Variants in RPS6KC1 observed in about 807,000 individuals in gnomAD.
RPS6KC1 encodes ribosomal protein S6 kinase C1.
Under a neutral mutation model 103.8 loss-of-function variants are expected in RPS6KC1, and 54 were observed. The observed-to-expected ratio is 0.52, with a 90% CI of 0.42 to 0.65. The LOEUF (loss-of-function observed/expected upper bound fraction) is 0.65, where lower values mean the gene tolerates loss of function less well. RPS6KC1 is among the 30% of genes least tolerant of loss of function. RPS6KC1 has a pLI of 0.00. For synonymous variants in RPS6KC1, 439 were observed against 438.7 expected (o/e 1.00, Z -0.01); for missense variants, 1,151 against 1,253.8 (o/e 0.92, Z 1.24).
chr1:213,505,367 C>T, the RPS6KC1 span, among the ~76,000 whole-genome samples: 1 of 152,160 alleles, frequency 6.6e-6, no homozygotes, highest in Non-Finnish European at 1.5e-5. Flanking sequence ...GGACACACAA[C>T]CTCTCTTTGA....
chr1:213,269,150 C>T (rs918279824), intron 14 of RPS6KC1, among the ~76,000 whole-genome samples: 3 of 152,038 alleles, frequency 2.0e-5, no homozygotes, highest in Non-Finnish European at 4.4e-5. Flanking sequence ...TAACAGTAAC[C>T]ACGAAAGAGC....
At chr1:213,072,558 A>G (rs2078984970) in intron 2 of RPS6KC1, among the ~76,000 whole-genome samples, 1 of 152,080 alleles carries the variant, frequency 6.6e-6, no homozygotes, top group Admixed American at 6.5e-5. Flanking sequence ...AAAAAAAAAA[A>G]AAAATAGATT....
chr1:213,260,702 G>A lies in RPS6KC1; in HGVS notation c.2912-856G>A, dbSNP rs538866507. ...AAGGGCAGGTATTGGCAAGGCTTCG[G>A]GACTAATTTAATGCCATTAGGAAAG... On this transcript the variant is annotated intron_variant, in intron 12 of 14. Transcript: ENST00000366960. 4.7e-5 allele frequency among the ~76,000 whole-genome samples: 7 copies of A among 149,056 alleles called. No individual in the cohort carries two copies. The East Asian group carries it at 1.2e-3, about 25-fold the overall frequency.
chr1:213,674,655 A>T, the RPS6KC1 span, among the ~76,000 whole-genome samples: 1 of 152,180 alleles, frequency 6.6e-6, no homozygotes, highest in Non-Finnish European at 1.5e-5. Flanking sequence ...TTTGGATATA[A>T]ACCCAGTAAT....
At chr1:213,665,740 A>G in the RPS6KC1 span, among the ~76,000 whole-genome samples, 1 of 152,244 alleles carries the variant, frequency 6.6e-6, no homozygotes, top group African/African-American at 2.4e-5. Context: ...ACAAGGTTTC[A>G]CTACACTGTT....
chr1:213,212,377 T>G (rs1183697902), intron 8 of RPS6KC1, among the ~76,000 whole-genome samples: 2 of 152,190 alleles, frequency 1.3e-5, no homozygotes, highest in Non-Finnish European at 2.9e-5. Flanking sequence ...CTTAGTAATA[T>G]GCATTTAAGG....
the RPS6KC1 span, among the ~76,000 whole-genome samples, chr1:213,553,685 G>A: frequency 3.6e-4 from 55 of 152,082 alleles, 1 homozygote; most frequent in Non-Finnish European, 3.2e-4. Flanking sequence ...AACATTGTCA[G>A]CATCTGTTAT....
At chr1:213,812,494 A>G in the RPS6KC1 span, among the ~76,000 whole-genome samples, 1 of 152,200 alleles carries the variant, frequency 6.6e-6, no homozygotes, top group Admixed American at 6.5e-5. Context: ...AATTCTGTGT[A>G]TTCTATGTGC....
At position 213,111,378 on chromosome 1, in the gene RPS6KC1, G is replaced by A. The variant is rs568176783; in HGVS notation, c.379-5939G>A. Among the ~76,000 whole-genome samples the A allele has an allele frequency of 1.6e-4, 24 of 152,098 alleles. No homozygotes were observed. The South Asian group carries it at 5.0e-3, about 32-fold the overall frequency. On this transcript the variant is annotated intron_variant, in intron 4 of 14. Transcript: ENST00000366960. ...CTGCATACTCAGAAACACCTAAAAG[G>A]TTATTTTTGAATTAGAAGTTTAAAA... is the stretch of plus-strand genomic sequence containing the variant.
At chr1:213,652,619 T>G in the RPS6KC1 span, among the ~76,000 whole-genome samples, 1 of 152,222 alleles carries the variant, frequency 6.6e-6, no homozygotes, top group Non-Finnish European at 1.5e-5. Context: ...GCCTTAGGCT[T>G]TGCGGCTTCT....
the RPS6KC1 span, among the ~76,000 whole-genome samples, chr1:213,560,888 C>G: frequency 6.6e-6 from 1 of 152,172 alleles, no homozygotes; most frequent in African/African-American, 2.4e-5. Flanking sequence ...GCTTTTTGCC[C>G]CAGATGGAGA....
At chr1:213,145,967 GTTTTTT>G (rs71573864) in intron 6 of RPS6KC1, among the ~76,000 whole-genome samples, 1 of 47,834 alleles carries the variant, frequency 2.1e-5, no homozygotes, top group South Asian at 1.2e-3. Flanking sequence ...CATTCATTCT[GTTTTTT>G]TTTTTTTTTT....
the RPS6KC1 span, among the ~76,000 whole-genome samples, chr1:213,801,217 C>A: frequency 6.6e-6 from 1 of 152,176 alleles, no homozygotes; most frequent in African/African-American, 2.4e-5. Flanking sequence ...TTACGATATT[C>A]TTCCAAGAGG....
intron 12 of RPS6KC1, among the ~76,000 whole-genome samples, chr1:213,259,459 A>T (rs1315515496): frequency 6.6e-6 from 1 of 152,168 alleles, no homozygotes; most frequent in Non-Finnish European, 1.5e-5. Flanking sequence ...GCTACTTGGG[A>T]GGCTGAGGCA....
chr1:213,353,034 G>A, the RPS6KC1 span, among the ~76,000 whole-genome samples: 1 of 152,228 alleles, frequency 6.6e-6, no homozygotes, highest in Non-Finnish European at 1.5e-5. Context: ...GCATTTACAA[G>A]ACAACATCGT....
At chr1:213,715,327 A>G in the RPS6KC1 span, among the ~76,000 whole-genome samples, 10 of 152,222 alleles carry the variant, frequency 6.6e-5, no homozygotes, top group African/African-American at 2.4e-4. Context: ...CTGACTGTGC[A>G]CTTGTATATC....
the RPS6KC1 span, among the ~76,000 whole-genome samples, chr1:213,428,002 T>C: frequency 2.6e-5 from 4 of 152,112 alleles, no homozygotes; most frequent in Admixed American, 6.5e-5. Context: ...GTCTTCACAG[T>C]TGTGGTACCT....
the RPS6KC1 span, among the ~76,000 whole-genome samples, chr1:213,299,705 G>C: frequency 2.9e-4 from 44 of 152,060 alleles, no homozygotes; most frequent in African/African-American, 1.0e-3. Context: ...ATAGAAAATG[G>C]TTAATGAGAT....
At chr1:213,824,524 G>A in the RPS6KC1 span, among the ~76,000 whole-genome samples, 1 of 152,158 alleles carries the variant, frequency 6.6e-6, no homozygotes, top group African/African-American at 2.4e-5. Context: ...GCATTGATAT[G>A]GTTTGGCTAT....
Sources: allele counts gnomAD v4.1 joint callset (sites outside exome capture counted in the v4.1 genomes callset), GRCh38; gene constraint gnomAD v4.1.1; transcripts MANE v1.5; gene names NCBI Gene and HGNC (gene_info 2026-07-23, HGNC 2026-07-21).